The following SPOCK3 variants were observed in gnomAD, a reference collection of about 807,000 sequenced individuals.
SPOCK3 encodes the protein testican-3.
SPOCK3 carries 30 observed loss-of-function variants against 56.6 expected under a neutral mutation model. That is an observed-to-expected ratio of 0.53 (90% confidence interval 0.40 to 0.72). SPOCK3 has a LOEUF of 0.72. SPOCK3 is among the 30% of genes least tolerant of loss of function. The pLI is 0.00. For synonymous variants in SPOCK3, 196 were observed against 183.3 expected (o/e 1.07, Z -0.56); for missense variants, 527 against 530.0 (o/e 0.99, Z 0.06).
chr4:167,166,051 T>C (rs781760660), intron 2 of SPOCK3, among the ~76,000 whole-genome samples: 34 of 152,044 alleles, frequency 2.2e-4, no homozygotes, highest in Non-Finnish European at 4.4e-4. Context: ...CTGCTCAAAA[T>C]AGAGGATTAT....
intron 2 of SPOCK3, among the ~76,000 whole-genome samples, chr4:167,174,709 A>G (rs1437586762): frequency 2.6e-5 from 4 of 152,146 alleles, no homozygotes; most frequent in Non-Finnish European, 5.9e-5. Context: ...TTGAGGAAAA[A>G]CTGCTTCAGA....
At position 167,026,694 on chromosome 4, in the gene SPOCK3, T is replaced by C. The variant is rs867649236; in HGVS notation, c.236-26231A>G. ...AATTAATTGATAAAGTGAAAATAGCTTATGACAATACACTATTTTACATCT... is the reference window on the plus strand; with the variant it reads ...AATTAATTGATAAAGTGAAAATAGCCTATGACAATACACTATTTTACATCT... On this transcript the variant is annotated intron_variant, in intron 3 of 10. Coordinates refer to ENST00000357545, the MANE Select transcript of SPOCK3 (RefSeq NM_001040159.2). Among the ~76,000 whole-genome samples, 3 of 152,094 alleles carry C rather than the reference T, an allele frequency of 2.0e-5. No individual in the cohort carries two copies. In the South Asian group the frequency reaches 6.2e-4, roughly 31 times the overall value.
intron 6 of SPOCK3, among the ~76,000 whole-genome samples, chr4:166,819,959 T>C (rs747269391): frequency 1.1e-4 from 17 of 152,016 alleles, no homozygotes; most frequent in Non-Finnish European, 2.1e-4. Context: ...TGGCCTCAAG[T>C]GACCTTCCTG....
intron 4 of SPOCK3, among the ~76,000 whole-genome samples, chr4:166,929,536 C>T (rs1327421703): frequency 6.9e-6 from 1 of 144,878 alleles, no homozygotes; most frequent in Non-Finnish European, 1.6e-5. Flanking sequence ...AGCAAGATTT[C>T]AGTAGCTTAA....
chr4:167,137,951 C>T (rs920563279), intron 2 of SPOCK3, among the ~76,000 whole-genome samples: 3 of 151,734 alleles, frequency 2.0e-5, no homozygotes, highest in African/African-American at 7.2e-5. Context: ...AAATCAAATA[C>T]TCATATTTTT....
chr4:167,127,815 T>A (rs1189944619), intron 2 of SPOCK3, among the ~76,000 whole-genome samples: 5 of 152,228 alleles, frequency 3.3e-5, no homozygotes, highest in Admixed American at 6.5e-5. Context: ...TCTGAAAAAG[T>A]TGAGAAGAAA....
chr4:167,122,676 T>C (rs948381632), intron 2 of SPOCK3, among the ~76,000 whole-genome samples: 4 of 152,196 alleles, frequency 2.6e-5, no homozygotes, highest in Admixed American at 1.3e-4. Flanking sequence ...CTTCATTTCT[T>C]AGAGCTGCCA....
intron 2 of SPOCK3, among the ~76,000 whole-genome samples, chr4:167,090,212 T>C (rs868851504): frequency 2.6e-5 from 4 of 152,200 alleles, no homozygotes; most frequent in Non-Finnish European, 2.9e-5. Context: ...CTTCCCAAAT[T>C]GGTTGTACCA....
chr4:167,083,070 A>G (rs1035427104), intron 2 of SPOCK3, among the ~76,000 whole-genome samples: 7 of 152,140 alleles, frequency 4.6e-5, no homozygotes, highest in African/African-American at 1.7e-4. Context: ...CGTTGTAAAA[A>G]CTTCAAAATA....
At chr4:166,939,564 G>A (rs1740820363) in intron 4 of SPOCK3, among the ~76,000 whole-genome samples, 1 of 152,160 alleles carries the variant, frequency 6.6e-6, no homozygotes, top group Non-Finnish European at 1.5e-5. Context: ...AATGATACCT[G>A]AGTTGGGATC....
chr4:167,122,202 A>G (rs1761930746), intron 2 of SPOCK3, among the ~76,000 whole-genome samples: 1 of 151,008 alleles, frequency 6.6e-6, no homozygotes, highest in Non-Finnish European at 1.5e-5. Context: ...GGTCTAGAAT[A>G]CAGTGGTGCA....
intron 3 of SPOCK3, among the ~76,000 whole-genome samples, chr4:167,043,132 T>C (rs937184632): frequency 6.6e-6 from 1 of 152,096 alleles, no homozygotes. Flanking sequence ...TTCATTCCTC[T>C]GTGGCTTGAT....
At chr4:166,841,404 T>A (rs914475069) in intron 6 of SPOCK3, among the ~76,000 whole-genome samples, 5 of 152,192 alleles carry the variant, frequency 3.3e-5, no homozygotes. Flanking sequence ...TTACAAATTG[T>A]CATTTTACAA....
intron 2 of SPOCK3, among the ~76,000 whole-genome samples, chr4:167,233,000 C>G (rs1049005023): frequency 6.6e-6 from 1 of 152,026 alleles, no homozygotes; most frequent in African/African-American, 2.4e-5. Context: ...TCTCAAATGT[C>G]ACGGTAAGGA....
rs570047992 is a variant in SPOCK3 at position 166,881,723 on chromosome 4, C to T, written c.589+7407G>A. On this transcript the variant is annotated intron_variant, in intron 6 of 10. Coordinates refer to ENST00000357545, the MANE Select transcript of SPOCK3 (RefSeq NM_001040159.2). ...AATCCTCCTAGACTTTTTTAAGCTG[C>T]TAAGTTACATAAAGAAACTATAAGC... Among the ~76,000 whole-genome samples the T allele has an allele frequency of 1.3e-4, 20 of 152,132 alleles. No homozygotes were observed. In the South Asian group the frequency reaches 4.1e-3, roughly 32 times the overall value.
intron 3 of SPOCK3, among the ~76,000 whole-genome samples, chr4:167,056,423 A>G (rs1427191641): frequency 6.6e-6 from 1 of 152,248 alleles, no homozygotes; most frequent in Non-Finnish European, 1.5e-5. Flanking sequence ...GCAATGGAAC[A>G]AAGCTGGATG....
At chr4:167,163,166 ATTT>A (rs560014140) in intron 2 of SPOCK3, among the ~76,000 whole-genome samples, 18 of 127,874 alleles carry the variant, frequency 1.4e-4, no homozygotes, top group South Asian at 4.8e-4. Flanking sequence ...TTGTTGGGGG[ATTT>A]TTTTTTTTTT....
chr4:167,067,528 G>T (rs917211950), intron 2 of SPOCK3, among the ~76,000 whole-genome samples: 1 of 151,650 alleles, frequency 6.6e-6, no homozygotes, highest in East Asian at 1.9e-4. Context: ...GTTCTGGGTG[G>T]GGTATAGAAT....
At chr4:166,741,806 AACAG>A (rs1734870466) in intron 9 of SPOCK3, among the ~76,000 whole-genome samples, 187 bp downstream of exon 9, 1 of 152,196 alleles carries the variant, frequency 6.6e-6, no homozygotes. Flanking sequence ...AGGGTAATAA[AACAG>A]ACATAATATC....
Sources: gnomAD v4.1 joint callset for allele counts (sites outside exome capture counted in the v4.1 genomes callset) on GRCh38, gnomAD v4.1.1 for gene constraint, MANE v1.5 for transcripts, NCBI Gene and HGNC (gene_info 2026-07-23, HGNC 2026-07-21) for gene names.